Variants in AGMO observed in about 807,000 individuals in gnomAD.
The protein encoded by AGMO is glyceryl-ether monooxygenase.
AGMO carries 75 observed loss-of-function variants against 60.2 expected under a neutral mutation model. The observed-to-expected ratio is 1.25, with a 90% CI of 1.03 to 1.51. The LOEUF (loss-of-function observed/expected upper bound fraction) is 1.51. Ranked by LOEUF, AGMO falls within the 40% of genes most tolerant of loss-of-function variation. AGMO has a pLI of 0.00. For missense variants in AGMO, 763 were observed against 525.5 expected, an observed-to-expected ratio of 1.45 and a Z score of -4.42; for synonymous variants, 261 against 177.1, an observed-to-expected ratio of 1.47 and a Z score of -3.76.
chr7:15,305,086 G>A (rs6967701), intron 12 of AGMO, among the ~76,000 whole-genome samples: 45 of 151,890 alleles, frequency 3.0e-4, no homozygotes, highest in African/African-American at 1.0e-3. Flanking sequence ...GTTACTAGAA[G>A]TGATTATCCA....
At chr7:15,269,779 A>G (rs1304085917) in intron 12 of AGMO, among the ~76,000 whole-genome samples, 2 of 151,948 alleles carry the variant, frequency 1.3e-5, no homozygotes, top group Non-Finnish European at 2.9e-5. Flanking sequence ...CTCCCATAAG[A>G]GTCCTCAGTA....
intron 3 of AGMO, among the ~76,000 whole-genome samples, chr7:15,543,283 C>G (rs1249665814): frequency 6.6e-6 from 1 of 152,174 alleles, no homozygotes; most frequent in Non-Finnish European, 1.5e-5. Flanking sequence ...CTCACCTTAG[C>G]TCTACAATCA....
intron 5 of AGMO, chr7:15,396,011 T>A (rs976452354): frequency 2.6e-5 from 4 of 152,224 alleles, no homozygotes; most frequent in African/African-American, 9.6e-5. Context: ...GCCATCATCA[T>A]CATCATCTCC....
intron 3 of AGMO, among the ~76,000 whole-genome samples, chr7:15,518,721 C>A (rs1783892859): frequency 6.6e-6 from 1 of 152,014 alleles, no homozygotes; most frequent in Non-Finnish European, 1.5e-5. Flanking sequence ...GAGGAAAAAA[C>A]AGTGCAAAAA....
At chr7:15,221,007 A>C (rs1210324056) in intron 12 of AGMO, among the ~76,000 whole-genome samples, 4 of 152,218 alleles carry the variant, frequency 2.6e-5, no homozygotes, top group African/African-American at 9.6e-5. Context: ...GACTAGGAAA[A>C]TACAATGAGG....
At chr7:15,188,061 C>T in the AGMO span, among the ~76,000 whole-genome samples, 1 of 152,176 alleles carries the variant, frequency 6.6e-6, no homozygotes, top group Admixed American at 6.5e-5. Flanking sequence ...ATGAGACCCG[C>T]TGCCATGAAC....
intron 3 of AGMO, among the ~76,000 whole-genome samples, chr7:15,472,431 G>A (rs2128513136): frequency 6.6e-6 from 1 of 151,938 alleles, no homozygotes; most frequent in East Asian, 1.9e-4. Flanking sequence ...TGAAAATATA[G>A]AACTAAATAT....
chr7:15,394,986 G>A (rs1400043559), intron 5 of AGMO, among the ~76,000 whole-genome samples: 1 of 152,126 alleles, frequency 6.6e-6, no homozygotes, highest in African/African-American at 2.4e-5. Flanking sequence ...ATAGAAACCA[G>A]GTAGGTGTCA....
chr7:15,214,253 G>GA (rs1426198442), intron 12 of AGMO, among the ~76,000 whole-genome samples: 1 of 151,928 alleles, frequency 6.6e-6, no homozygotes, highest in Non-Finnish European at 1.5e-5. Flanking sequence ...CGAATTTTCA[G>GA]AAAGTATCTT....
intron 12 of AGMO, among the ~76,000 whole-genome samples, chr7:15,307,946 T>C (rs1324869013): frequency 1.3e-5 from 2 of 152,094 alleles, no homozygotes; most frequent in East Asian, 1.9e-4. Context: ...TTGTCAATCC[T>C]ATTAGTTCCT....
chr7:15,204,863 T>C (rs1781401173), intron 12 of AGMO, among the ~76,000 whole-genome samples: 1 of 152,142 alleles, frequency 6.6e-6, no homozygotes, highest in Non-Finnish European at 1.5e-5. Flanking sequence ...GTGTGTTTGT[T>C]GCTTTTGTTT....
chr7:15,177,802 A>G, the AGMO span, among the ~76,000 whole-genome samples: 1 of 152,116 alleles, frequency 6.6e-6, no homozygotes, highest in East Asian at 1.9e-4. Flanking sequence ...CCTTCAATAG[A>G]CACAATTACA....
At chr7:15,400,130 C>G (rs1784515087) in intron 5 of AGMO, among the ~76,000 whole-genome samples, 1 of 152,154 alleles carries the variant, frequency 6.6e-6, no homozygotes, top group African/African-American at 2.4e-5. Context: ...CCTTACCATT[C>G]TCTGTGTCTC....
chr7:15,458,483 TA>T (rs1324694980), intron 3 of AGMO, among the ~76,000 whole-genome samples: 3 of 152,276 alleles, frequency 2.0e-5, no homozygotes, highest in African/African-American at 7.2e-5. Context: ...TATCATAGCT[TA>T]AAAATGCACA....
chr7:15,368,254 C>T (rs1483123798), intron 10 of AGMO, among the ~76,000 whole-genome samples: 3 of 146,230 alleles, frequency 2.1e-5, no homozygotes, highest in South Asian at 4.3e-4. Flanking sequence ...TGAAGGTCGG[C>T]GATGTCCACT....
chr7:15,316,158 G>C (rs1291998639), intron 12 of AGMO, among the ~76,000 whole-genome samples: 1 of 152,108 alleles, frequency 6.6e-6, no homozygotes, highest in African/African-American at 2.4e-5. Flanking sequence ...CTTGGTATTG[G>C]AGTTGCCAAG....
At chr7:15,376,939 C>G (rs4551231) in intron 10 of AGMO, among the ~76,000 whole-genome samples, 1 of 151,340 alleles carries the variant, frequency 6.6e-6, no homozygotes, top group African/African-American at 2.4e-5. Flanking sequence ...TCAAATTGCT[C>G]TCTTGACTCC....
chr7:15,219,871 C>T (rs548978554), intron 12 of AGMO, among the ~76,000 whole-genome samples: 1 of 152,264 alleles, frequency 6.6e-6, no homozygotes, highest in South Asian at 2.1e-4. Flanking sequence ...TATATCTATG[C>T]TCTCCTGATA....
At chr7:15,552,013 C>T (rs1218220706) in intron 2 of AGMO, among the ~76,000 whole-genome samples, 1 of 151,850 alleles carries the variant, frequency 6.6e-6, no homozygotes, top group Non-Finnish European at 1.5e-5. Context: ...AGAAATAATG[C>T]CACATATCTG....
Sources: gnomAD v4.1 joint callset for allele counts (sites outside exome capture counted in the v4.1 genomes callset) on GRCh38, gnomAD v4.1.1 for gene constraint, MANE v1.5 for transcripts, NCBI Gene and HGNC (gene_info 2026-07-23, HGNC 2026-07-21) for gene names.